The following L3MBTL4 variants were observed in gnomAD, a reference collection of about 807,000 sequenced individuals.
L3MBTL4 encodes the protein lethal(3)malignant brain tumor-like protein 4.
A neutral mutation model predicts 84.5 loss-of-function variants in L3MBTL4; 70 were observed. The ratio of observed to expected loss-of-function variants is 0.83; its 90% CI spans 0.68 to 1.01. L3MBTL4 has a LOEUF of 1.01. Ranked by LOEUF, L3MBTL4 falls within the 50% of genes least tolerant of loss-of-function variation. The pLI, the probability that L3MBTL4 is intolerant of heterozygous loss-of-function variation, is 0.00. For synonymous variants in L3MBTL4, 274 were observed against 259.8 expected (o/e 1.05, Z -0.52); for missense variants, 715 against 754.8 (o/e 0.95, Z 0.62).
intron 5 of L3MBTL4, among the ~76,000 whole-genome samples, chr18:6,250,446 C>T (rs961317389): frequency 2.0e-5 from 3 of 152,078 alleles, no homozygotes; most frequent in Non-Finnish European, 2.9e-5. Flanking sequence ...TTTTGTGAAC[C>T]ACAGTAGAAT....
chr18:6,120,995 C>T (rs2059504359), intron 14 of L3MBTL4, among the ~76,000 whole-genome samples: 1 of 152,036 alleles, frequency 6.6e-6, no homozygotes, highest in African/African-American at 2.4e-5. Context: ...ATAGGATTGC[C>T]ATATTTCTTG....
intron 15 of L3MBTL4, among the ~76,000 whole-genome samples, chr18:6,091,297 A>C (rs779141359): frequency 2.0e-5 from 3 of 152,226 alleles, no homozygotes; most frequent in African/African-American, 7.2e-5. Flanking sequence ...GTAGACTCGA[A>C]AAGGGAATGA....
chr18:6,205,062 T>A (rs1432981984), intron 12 of L3MBTL4, among the ~76,000 whole-genome samples: 1 of 152,208 alleles, frequency 6.6e-6, no homozygotes, highest in Non-Finnish European at 1.5e-5. Flanking sequence ...ATAGGTCCCG[T>A]AACATGGCAA....
intron 12 of L3MBTL4, among the ~76,000 whole-genome samples, chr18:6,211,519 A>G (rs1352796334): frequency 6.6e-6 from 1 of 152,260 alleles, no homozygotes; most frequent in East Asian, 1.9e-4. Flanking sequence ...GCTTGCTCAT[A>G]AACTGGCAAC....
intron 16 of L3MBTL4, among the ~76,000 whole-genome samples, chr18:6,050,960 G>A (rs188796396): frequency 5.2e-4 from 79 of 152,302 alleles, no homozygotes; most frequent in African/African-American, 1.8e-3. Context: ...TGGGGAAGCC[G>A]ATGTGAGAGG....
At chr18:6,296,586 T>C (rs2050117765) in intron 4 of L3MBTL4, among the ~76,000 whole-genome samples, 1 of 152,202 alleles carries the variant, frequency 6.6e-6, no homozygotes, top group Non-Finnish European at 1.5e-5. Flanking sequence ...AAAGCACTTC[T>C]TCAGACAGTA....
At chr18:6,373,056 T>G (rs1443395654) in intron 1 of L3MBTL4, among the ~76,000 whole-genome samples, 1 of 152,198 alleles carries the variant, frequency 6.6e-6, no homozygotes, top group African/African-American at 2.4e-5. Flanking sequence ...CACATACATC[T>G]GATCTTTCAT....
At chr18:6,258,143 G>C (rs933784622) in intron 5 of L3MBTL4, among the ~76,000 whole-genome samples, 2 of 152,154 alleles carry the variant, frequency 1.3e-5, no homozygotes, top group Non-Finnish European at 2.9e-5. Context: ...TGGTCTGCAG[G>C]GGGCAGTGGA....
chr18:6,050,779 A>AG lies in L3MBTL4; in HGVS notation c.1444+30101dup, dbSNP rs1373669318. On this transcript the variant is annotated intron_variant, in intron 16 of 18. Transcript: ENST00000317931. ...TTCTGGAGAGAGGGAGACAAAGCTA[A>AG]GGGGGGGAATTTTTTATTCCTCCCA... 6.6e-5 allele frequency among the ~76,000 whole-genome samples: 10 copies of AG among 152,250 alleles called. No individual in the cohort carries two copies. The East Asian group carries it at 7.7e-4, about 12-fold the overall frequency.
intron 14 of L3MBTL4, among the ~76,000 whole-genome samples, chr18:6,107,636 G>GTGTCTCTGCTTCTA (rs1598769343): frequency 6.6e-6 from 1 of 152,190 alleles, no homozygotes; most frequent in East Asian, 1.9e-4. Context: ...GGAGGGCAGA[G>GTGTCTCTGCTTCTA]ATGCTGATGT....
At position 6,247,453 on chromosome 18, in the gene L3MBTL4, TC is replaced by T. The variant is rs1318903181; in HGVS notation, c.220-2866del. ...TGACATGTTTTTAAGAATGCAGACT[TC>T]CCCCTCCTCTGATTTTTTTTTTTTT... On this transcript the variant is annotated intron_variant, in intron 5 of 18. Coordinates refer to ENST00000317931, the MANE Select transcript of L3MBTL4 (RefSeq NM_001330559.2). Among the ~76,000 whole-genome samples, 385 of 144,742 alleles carry T rather than the reference TC, an allele frequency of 2.7e-3. 2 individuals carry two copies. The highest frequency in any genetic ancestry group is 9.3e-3 in the African/African-American group (353 of 38,044). 95.0% of individuals were successfully genotyped at this position (144,742 alleles called of 152,430 possible).
rs201007914 is a variant in L3MBTL4, at chr18:6,243,321, T to C, written c.433A>G (p.Thr145Ala). 6.2e-7 allele frequency: 1 copy of C among 1,600,222 alleles called. No homozygotes were observed. The highest frequency in any genetic ancestry group is 2.3e-5 in the East Asian group (1 of 44,340). Residue 145 changes from threonine (T) to alanine (A), a missense_variant, in exon 7 of 19, where the codon ACC becomes GCC. Physicochemically the swap from Thr to Ala is moderately conservative, Grantham distance 58. Transcript: ENST00000317931. ...TTAGGGATGTGCAGTTCATGTTTGG[T>C]CTTTTCACACCATCCTACTGGATGA... is the stretch of plus-strand genomic sequence containing the variant. ...DIHPVGWCEK[T>A]KHELHIPKGY...
chr18:6,069,415 T>G (rs1289811603), intron 16 of L3MBTL4, among the ~76,000 whole-genome samples: 1 of 152,090 alleles, frequency 6.6e-6, no homozygotes, highest in East Asian at 1.9e-4. Flanking sequence ...TTGCCATAAG[T>G]TGCTGCAGGA....
In L3MBTL4 at chr18:6,264,053, A is replaced by T; in HGVS notation, c.128-15T>A. ...CGCTGAAGGGACTGGAAGAGAAAAC[A>T]CAATGACTTTTCTCAAAATGATTAG... On this transcript the variant is annotated splice_polypyrimidine_tract_variant and intron_variant, in intron 4 of 18. Transcript: ENST00000317931. 1.3e-6 allele frequency: 2 copies of T among 1,567,910 alleles called. No individual in the cohort carries two copies. Among genetic ancestry groups the T allele is most frequent in the Non-Finnish European group, 8.8e-7 (1 of 1,139,358 alleles).
chr18:6,105,409 C>T (rs575971222), intron 14 of L3MBTL4, among the ~76,000 whole-genome samples: 19 of 151,294 alleles, frequency 1.3e-4, no homozygotes, highest in African/African-American at 4.1e-4. Context: ...AGGCTGGTCT[C>T]GAACTCCTGA....
At chr18:6,091,620 C>A (rs542439078) in intron 15 of L3MBTL4, among the ~76,000 whole-genome samples, 3 of 152,200 alleles carry the variant, frequency 2.0e-5, no homozygotes, top group East Asian at 3.9e-4. Context: ...AAGCACGTAA[C>A]AATTAGTTTA....
At chr18:6,171,556 T>C (rs1228243962) in intron 13 of L3MBTL4, among the ~76,000 whole-genome samples, 1 of 152,252 alleles carries the variant, frequency 6.6e-6, no homozygotes, top group Non-Finnish European at 1.5e-5. Flanking sequence ...TTAGATGTGC[T>C]AGCTCAGTTT....
At chr18:6,254,412 C>CTTTTTT (rs763440464) in intron 5 of L3MBTL4, among the ~76,000 whole-genome samples, 1 of 112,722 alleles carries the variant, frequency 8.9e-6, no homozygotes, top group Non-Finnish European at 1.8e-5. Context: ...AAAGTGACAC[C>CTTTTTT]TTTTTTTTTT....
In L3MBTL4 at chr18:6,138,053, G is replaced by T. The variant is rs1382112596; in HGVS notation, c.1199+141C>A. 5 of 544,126 alleles carry T rather than the reference G, an allele frequency of 9.2e-6. No homozygotes were observed. The East Asian group carries it at 1.5e-4, about 16-fold the overall frequency. The allele number at this position is 544,126 out of a possible 1,614,324, so 33.7% of individuals were successfully genotyped here. A position where few individuals can be genotyped will look rare whatever the true frequency, so the allele number is the denominator to read the frequency against. On this transcript the variant is annotated intron_variant, in intron 14 of 18. Transcript: ENST00000317931. ...TTGGCAGGCAGAGGAAAATGTCAAG[G>T]AAAGGCCTCAGCAACACAGAGGTGG... is the stretch of plus-strand genomic sequence containing the variant.
Sources: gnomAD v4.1 joint callset for allele counts (sites outside exome capture counted in the v4.1 genomes callset) on GRCh38, gnomAD v4.1.1 for gene constraint, MANE v1.5 for transcripts, NCBI Gene and HGNC (gene_info 2026-07-23, HGNC 2026-07-21) for gene names.